SETD2: variants seen among roughly 807,000 people sequenced by gnomAD.
SETD2 encodes SET domain containing 2, histone lysine methyltransferase.
A neutral mutation model predicts 242.1 loss-of-function variants in SETD2; 31 were observed. That is an observed-to-expected ratio of 0.13 (90% CI 0.10 to 0.17). The LOEUF is 0.17. Among genes scored for constraint, SETD2 ranks in the 10% least tolerant of loss-of-function variants. The pLI is 1.00. For missense variants in SETD2, 2,481 were observed against 3,046.3 expected (o/e 0.81, Z 4.37); for synonymous variants, 1,006 against 1,066.5 (o/e 0.94, Z 1.11).
In SETD2 at chr3:47,124,222, T is replaced by C. The variant is rs1174705737; in HGVS notation, c.414A>G (p.Glu138=). ...GTTTCTTAAAATGAATTTTGCCCAA[T>C]TCCACCCTTGACTTTGGTGGGGAAG... The part of the protein sequence containing the change: ...EESSPPKSRV[E]LGKIHFKKHL... The change falls in exon 3 of 21, where the codon GAA becomes GAG. Residue 138 remains glutamate (E), a synonymous_variant. Coordinates refer to ENST00000409792, the MANE Select transcript of SETD2 (RefSeq NM_014159.7). 1 of 1,551,646 alleles carries C rather than the reference T, an allele frequency of 6.4e-7. No individual in the cohort carries two copies. The highest frequency in any genetic ancestry group is 1.4e-5 in the African/African-American group (1 of 73,056).
intron 12 of SETD2, chr3:47,080,717 G>T: frequency 1.2e-6 from 1 of 824,584 alleles, no homozygotes; most frequent in Non-Finnish European, 1.5e-6. Context: ...TCTGGTTGAG[G>T]TCTACTTTAG....
chr3:47,121,385 C>T lies in SETD2; in HGVS notation c.3251G>A (p.Ser1084Asn), dbSNP rs753435281. The T allele has an allele frequency of 8.1e-6, 13 of 1,609,826 alleles. No individual in the cohort carries two copies. The highest frequency in any genetic ancestry group is 9.3e-6 in the Non-Finnish European group (11 of 1,180,016). Residue 1084 changes from serine to asparagine, a missense_variant, in exon 3 of 21, where the codon AGT (serine) becomes AAT (asparagine). Physicochemically the swap from Ser to Asn is conservative, Grantham distance 46 (BLOSUM62 1). This residue lies in a region of SETD2 where 1,300 missense variants were observed against 1,259.2 expected (regional missense o/e 1.03). Transcript: ENST00000409792. ...TTGACTGCTCCGAGAAGAACAAGGA[C>T]TTGTTTCTTCCATGGGCAAAGTAGA... Reference protein sequence around the residue: ...KNSTLPMEETSPCSSRSSQSY... With the variant: ...KNSTLPMEETNPCSSRSSQSY...
intron 5 of SETD2, among the ~76,000 whole-genome samples, chr3:47,107,168 T>C (rs79928581): frequency 0.02 from 3,038 of 152,320 alleles, 54 homozygotes; most frequent in Non-Finnish European, 0.026. Flanking sequence ...TGTTATACTA[T>C]GTTTTACTCT....
chr3:47,022,497 T>C (rs2038276440), intron 18 of SETD2, among the ~76,000 whole-genome samples: 1 of 152,142 alleles, frequency 6.6e-6, no homozygotes, highest in South Asian at 2.1e-4. Flanking sequence ...AGTGAAATGC[T>C]GTCTCCAAAA....
rs2043029391 is a variant in SETD2, at chr3:47,120,493, TA to T, written c.4142del (p.Leu1381Ter). ...EISSNSIKDT[L>X]AVNEKKDFSK... is the part of the protein sequence containing the mutation. Reference sequence around the variant, plus strand: ...AAAAATCTTTCTTTTCATTCACAGCTAAAGTGTCCTTAATGGAATTGCTGCT... The same window carrying T: ...AAAAATCTTTCTTTTCATTCACAGCTAAGTGTCCTTAATGGAATTGCTGCT... On this transcript the variant is annotated frameshift_variant, in exon 3 of 21. Coordinates refer to ENST00000409792, the MANE Select transcript of SETD2 (RefSeq NM_014159.7). LOFTEE classifies it high-confidence loss of function. The T allele has an allele frequency of 6.2e-7, 1 of 1,613,884 alleles. No individual in the cohort carries two copies. Among genetic ancestry groups the T allele is most frequent in the Admixed American group, 1.7e-5 (1 of 59,952 alleles).
intron 1 of SETD2, among the ~76,000 whole-genome samples, chr3:47,153,491 T>C (rs972761062): frequency 2.0e-5 from 3 of 152,358 alleles, no homozygotes; most frequent in African/African-American, 7.2e-5. Context: ...TGCCCAGCAC[T>C]GTAATTCCAG....
intron 8 of SETD2, 125 bp downstream of exon 8, chr3:47,101,333 T>C: frequency 1.7e-6 from 1 of 601,118 alleles, no homozygotes. Context: ...CAAAACAATA[T>C]CTTATAGATA....
At chr3:47,025,535 C>T (rs2038433760) in intron 18 of SETD2, among the ~76,000 whole-genome samples, 1 of 152,206 alleles carries the variant, frequency 6.6e-6, no homozygotes, top group African/African-American at 2.4e-5. Context: ...AGACTTCAGA[C>T]AATTTAAATC....
chr3:47,046,757 T>C (rs2039550512), intron 15 of SETD2, 136 bp from the exon 16 acceptor site: 9 of 651,154 alleles, frequency 1.4e-5, no homozygotes, highest in Non-Finnish European at 2.0e-5. Context: ...TGGACATAAA[T>C]GTGCAAAACA....
At chr3:47,090,607 G>A (rs1197908655) in intron 9 of SETD2, among the ~76,000 whole-genome samples, 2 of 151,990 alleles carry the variant, frequency 1.3e-5, no homozygotes, top group Non-Finnish European at 2.9e-5. Context: ...AGCCAGGATG[G>A]TCTCGATCTC....
chr3:47,047,083 T>C (rs563942984), intron 15 of SETD2: 2 of 152,722 alleles, frequency 1.3e-5, no homozygotes, highest in East Asian at 3.9e-4. Context: ...TCAAAGGGTG[T>C]GAATCATAGT....
intron 10 of SETD2, 88 bp from the exon 11 acceptor site, chr3:47,086,402 G>A (rs1315685194): frequency 7.5e-6 from 10 of 1,333,446 alleles, no homozygotes; most frequent in Admixed American, 3.9e-5. Context: ...TCATGTATAC[G>A]TTACACATTA....
chr3:47,058,686 A>C (rs540423726), intron 14 of SETD2, among the ~76,000 whole-genome samples: 3 of 152,076 alleles, frequency 2.0e-5, no homozygotes, highest in Non-Finnish European at 2.9e-5. Context: ...TATATACTAT[A>C]TATCACTTTT....
intron 1 of SETD2, among the ~76,000 whole-genome samples, chr3:47,151,826 T>TC (rs2043992296): frequency 1.6e-5 from 1 of 63,690 alleles, no homozygotes. Context: ...GACTCTTGTC[T>TC]CAAAAAAAAA....
At chr3:47,089,891 G>A (rs968646059) in intron 9 of SETD2, among the ~76,000 whole-genome samples, 4 of 152,146 alleles carry the variant, frequency 2.6e-5, no homozygotes, top group African/African-American at 9.7e-5. Flanking sequence ...AATCATGACA[G>A]TGCTTAGGTC....
intron 1 of SETD2, among the ~76,000 whole-genome samples, chr3:47,130,535 T>C (rs757579798): frequency 5.9e-5 from 9 of 152,160 alleles, no homozygotes; most frequent in Non-Finnish European, 1.0e-4. Context: ...ACAGCAAGAA[T>C]TAGCTACAAA....
Position 47,016,973 on chromosome 3 carries a change from C to A in SETD2, c.*120G>T. 1 of 980,306 alleles carries A rather than the reference C, an allele frequency of 1.0e-6. No homozygotes were observed. The highest frequency in any genetic ancestry group is 1.6e-6 in the Non-Finnish European group (1 of 643,736). 60.7% of individuals were successfully genotyped at this position (980,306 alleles called of 1,614,324 possible). A position where few individuals can be genotyped will look rare whatever the true frequency, so the allele number is the denominator to read the frequency against. ...TTGACATCTGCAGGGTTGAATTCCC[C>A]AGGGTGATGTATCATCAGTAGCACA... On this transcript the variant is annotated 3_prime_UTR_variant, in exon 21 of 21. Coordinates refer to ENST00000409792, the MANE Select transcript of SETD2 (RefSeq NM_014159.7).
intron 9 of SETD2, among the ~76,000 whole-genome samples, chr3:47,088,918 T>C (rs1041491582): frequency 6.6e-6 from 1 of 152,062 alleles, no homozygotes; most frequent in Non-Finnish European, 1.5e-5. Context: ...TAGCAAAAAA[T>C]TGCCAACAAC....
chr3:47,030,706 TA>T (rs1476743588), intron 18 of SETD2, among the ~76,000 whole-genome samples: 14 of 152,154 alleles, frequency 9.2e-5, no homozygotes, highest in Non-Finnish European at 1.6e-4. Context: ...AAACTATTAT[TA>T]AAAAATGGAA....
Sources: gnomAD v4.1 joint callset for allele counts (sites outside exome capture counted in the v4.1 genomes callset) on GRCh38, gnomAD v4.1.1 for gene constraint, gnomAD v4.1.1 regional missense constraint, MANE v1.5 for transcripts, NCBI Gene and HGNC (gene_info 2026-07-23, HGNC 2026-07-21) for gene names.